MEG3: variants seen among roughly 807,000 people sequenced by gnomAD.
MEG3 encodes the protein Very putative protein from MEG3 locus.
chr14:100,857,664 C>CA (rs1441247434), exon 1 of MEG3: 1 of 152,220 alleles, frequency 6.6e-6, no homozygotes, highest in Non-Finnish European at 1.5e-5. Context: ...CCCTGCCCCC[C>CA]ATTCCAACGT....
intron 1 of MEG3, among the ~76,000 whole-genome samples, chr14:100,828,073 C>CGTAGCGACCTGGCG (rs2037293994): frequency 6.6e-6 from 1 of 151,896 alleles, no homozygotes; most frequent in African/African-American, 2.4e-5. Flanking sequence ...GAGAGGCGTC[C>CGTAGCGACCTGGCG]AGGGGGCGTA....
chr14:100,843,320 G>A (rs1343841759), intron 2 of MEG3, among the ~76,000 whole-genome samples: 1 of 152,158 alleles, frequency 6.6e-6, no homozygotes, highest in Non-Finnish European at 1.5e-5. Context: ...GTCGCGCTGT[G>A]TGTTCTTGGC....
chr14:100,839,278 T>C (rs1402917780), intron 2 of MEG3, among the ~76,000 whole-genome samples: 1 of 151,824 alleles, frequency 6.6e-6, no homozygotes, highest in African/African-American at 2.4e-5. Flanking sequence ...TCGCTGGGAG[T>C]GGCTTCTTTT....
chr14:100,840,608 G>A (rs1371028794), intron 2 of MEG3, among the ~76,000 whole-genome samples: 3 of 152,126 alleles, frequency 2.0e-5, no homozygotes, highest in African/African-American at 4.8e-5. Context: ...TGTGTGTGTC[G>A]GGAGCTCCAA....
chr14:100,845,470 C>G lies in MEG3; in HGVS notation n.3058C>G. Reference sequence around the variant, plus strand: ...CTTCTTGTTACAGCGGAAGCCATCACCTGGATGCCTACGTGGGAAGGGACC... The same window carrying G: ...CTTCTTGTTACAGCGGAAGCCATCAGCTGGATGCCTACGTGGGAAGGGACC... On this transcript the variant is annotated non_coding_transcript_exon_variant, in exon 3 of 4. Coordinates refer to the MEG3 transcript ENST00000398461. The surrounding 1 kb of genome is among the most constrained non-coding windows in gnomAD (Gnocchi z 5.2). 1 of 456,816 alleles carries G rather than the reference C, an allele frequency of 2.2e-6. No individual in the cohort carries two copies. The highest frequency in any genetic ancestry group is 1.5e-5 in the South Asian group (1 of 64,562). 28.3% of individuals were successfully genotyped at this position (456,816 alleles called of 1,614,324 possible).
At chr14:100,843,799 G>A (rs978808474) in intron 2 of MEG3, among the ~76,000 whole-genome samples, 8 of 151,732 alleles carry the variant, frequency 5.3e-5, no homozygotes, top group Admixed American at 2.0e-4. Flanking sequence ...CTGCAGTGGG[G>A]CAGGCAGCTG....
At chr14:100,828,017 A>G (rs1367307449) in intron 1 of MEG3, among the ~76,000 whole-genome samples, 1 of 151,788 alleles carries the variant, frequency 6.6e-6, no homozygotes, top group Non-Finnish European at 1.5e-5. Context: ...TGCGGGCGGG[A>G]GGCGCTGCGC....
intron 3 of MEG3, chr14:100,850,093 A>G (rs1298585658): frequency 6.6e-6 from 1 of 152,262 alleles, no homozygotes; most frequent in African/African-American, 2.4e-5. Flanking sequence ...TGGGCCAAAG[A>G]TGTTTGGTTT....
chr14:100,848,844 A>C (rs2037990873), intron 3 of MEG3: 1 of 152,216 alleles, frequency 6.6e-6, no homozygotes, highest in Admixed American at 6.5e-5. Context: ...ATGTAAGAAA[A>C]GAAAGGAAAA....
intron 2 of MEG3, among the ~76,000 whole-genome samples, chr14:100,838,346 T>G (rs553406212): frequency 1.1e-4 from 17 of 152,268 alleles, no homozygotes; most frequent in African/African-American, 3.9e-4. Flanking sequence ...AGTGTTTCGG[T>G]CTCAGGCAAA....
chr14:100,843,312 C>T (rs1357549012), intron 2 of MEG3, among the ~76,000 whole-genome samples: 1 of 152,124 alleles, frequency 6.6e-6, no homozygotes, highest in African/African-American at 2.4e-5. Context: ...TGCCTTTGGT[C>T]GCGCTGTGTG....
intron 2 of MEG3, among the ~76,000 whole-genome samples, chr14:100,840,970 C>T (rs755305069): frequency 6.6e-6 from 1 of 152,218 alleles, no homozygotes; most frequent in Non-Finnish European, 1.5e-5. Flanking sequence ...TAGAGTGATT[C>T]CCTACTCAGG....
chr14:100,849,333 G>A (rs1244448645), intron 3 of MEG3: 2 of 152,062 alleles, frequency 1.3e-5, no homozygotes, highest in African/African-American at 2.4e-5. Flanking sequence ...AAGGCTCCAG[G>A]AACCGCAGAT....
exon 1 of MEG3, chr14:100,835,168 CCT>C (rs2037529119): frequency 3.9e-6 from 1 of 256,384 alleles, no homozygotes; most frequent in African/African-American, 2.2e-5. Flanking sequence ...GCCCCTTCTC[CCT>C]CTCTGCCTTC....
chr14:100,842,619 A>G (rs574078792), intron 2 of MEG3, among the ~76,000 whole-genome samples: 1 of 152,188 alleles, frequency 6.6e-6, no homozygotes, highest in East Asian at 1.9e-4. Flanking sequence ...TTGTGTAACG[A>G]CGGGCTCTAT....
chr14:100,845,548 T>G lies in MEG3; in HGVS notation n.3121+15T>G, dbSNP rs1435041945. The G allele has an allele frequency of 4.4e-6, 2 of 455,748 alleles. No homozygotes were observed. Among genetic ancestry groups the G allele is most frequent in the Admixed American group, 2.4e-5 (1 of 42,476 alleles). The allele number at this position is 455,748 out of a possible 1,614,324, so 28.2% of individuals were successfully genotyped here. ...AGCTCGAAATCGTAAGTGGCTGGAG[T>G]GTAAAGAACACACATGTGGCCTTGC... On this transcript the variant is annotated intron_variant and non_coding_transcript_variant, in intron 3 of 3. Transcript: ENST00000398461. This position sits in a 1 kb window ranked among gnomAD's most constrained non-coding sequence, Gnocchi z 5.2.
chr14:100,826,305 C>CCGATG (rs1274539263), intron 1 of MEG3: 1 of 152,274 alleles, frequency 6.6e-6, no homozygotes, highest in Non-Finnish European at 1.5e-5. Flanking sequence ...CCTGGACATG[C>CCGATG]CGAGAGCCTG....
chr14:100,831,934 T>A (rs1339235622), downstream of MEG3: 11 of 152,172 alleles, frequency 7.2e-5, no homozygotes, highest in African/African-American at 2.7e-4. Context: ...CAGATGCCAT[T>A]TGAAAGGCTT....
chr14:100,833,867 AACCTTACGGG>A (rs1460655282), downstream of MEG3: 1 of 152,196 alleles, frequency 6.6e-6, no homozygotes, highest in Non-Finnish European at 1.5e-5. Context: ...TATTAGTTGA[AACCTTACGGG>A]ACCTTCCTCC....
Sources: allele counts gnomAD v4.1 joint callset (sites outside exome capture counted in the v4.1 genomes callset), GRCh38; gene constraint gnomAD v4.1.1; non-coding constraint Gnocchi (gnomAD v3.1); transcripts MANE v1.5; gene names NCBI Gene and HGNC (gene_info 2026-07-23, HGNC 2026-07-21).